The following SLC29A3 variants were observed in gnomAD, a reference collection of about 807,000 sequenced individuals.
The protein encoded by SLC29A3 is solute carrier family 29 member 3.
SLC29A3 carries 18 observed loss-of-function variants against 25.4 expected under a neutral mutation model. The observed-to-expected ratio is 0.71, with a 90% CI of 0.49 to 1.05. The LOEUF (loss-of-function observed/expected upper bound fraction) is 1.05. Among genes scored for constraint, SLC29A3 ranks in the 50% least tolerant of loss-of-function variants. SLC29A3 has a pLI of 0.00. For synonymous variants in SLC29A3, 258 were observed against 267.1 expected, an observed-to-expected ratio of 0.97 and a Z score of 0.33; for missense variants, 586 against 609.0, an observed-to-expected ratio of 0.96 and a Z score of 0.40.
At position 71,351,760 on chromosome 10, in the gene SLC29A3, T is replaced by C. The variant is rs1287765532; in HGVS notation, c.582T>C (p.Pro194=). 1.2e-6 allele frequency: 2 copies of C among 1,613,516 alleles called. No individual in the cohort carries two copies. Among genetic ancestry groups the C allele is most frequent in the East Asian group, 2.2e-5 (1 of 44,870 alleles). ...SSIYGMTGSF[P]MRNSQALISG... ...TCTACGGCATGACCGGCTCCTTTCC[T>C]ATGAGGAACTCCCAGGCACTGATAT... Residue 194 remains proline (P), a synonymous_variant, in exon 4 of 6, where the codon CCT becomes CCC. Transcript: ENST00000373189.
chr10:71,376,858 G>C (rs541756688), intron 4 of SLC29A3, among the ~76,000 whole-genome samples: 1 of 152,264 alleles, frequency 6.6e-6, no homozygotes, highest in East Asian at 1.9e-4. Context: ...CCACCTCCTG[G>C]ATTCAGGAGA....
At chr10:71,354,002 G>C (rs887687953) in intron 4 of SLC29A3, among the ~76,000 whole-genome samples, 2 of 152,176 alleles carry the variant, frequency 1.3e-5, no homozygotes. Flanking sequence ...GTCTTACTGA[G>C]TTTAACCCCA....
At chr10:71,325,150 G>T (rs1845937611) in intron 2 of SLC29A3, among the ~76,000 whole-genome samples, 1 of 152,184 alleles carries the variant, frequency 6.6e-6, no homozygotes, top group African/African-American at 2.4e-5. Context: ...GGCCCAGGAG[G>T]TGGCTCATCA....
intron 2 of SLC29A3, among the ~76,000 whole-genome samples, chr10:71,325,915 C>CTTTTT (rs5786034): frequency 8.2e-6 from 1 of 122,642 alleles, no homozygotes; most frequent in Non-Finnish European, 1.6e-5. Context: ...TATATTAGTA[C>CTTTTT]TTTTTTTTTT....
chr10:71,355,572 A>AC (rs1342651271), intron 4 of SLC29A3, among the ~76,000 whole-genome samples: 1 of 151,990 alleles, frequency 6.6e-6, no homozygotes, highest in Admixed American at 6.6e-5. Context: ...CAGTGAGGAC[A>AC]CCCCCAGAAA....
rs77339410 is a variant in SLC29A3 at position 71,344,212 on chromosome 10, T to C, written c.304T>C (p.Tyr102His). ...CTCCTCACTTGTGTGCTTGCAGAAC[T>C]ACTTTGAGAGCTACCTTGCCGTTGC... Reference protein sequence around the residue: ...EDPEGSDILNYFESYLAVAST... With the variant: ...EDPEGSDILNHFESYLAVAST... The change falls in exon 3 of 6, where the codon TAC (tyrosine) becomes CAC (histidine). Residue 102 changes from tyrosine (Y) to histidine (H), a missense_variant. Tyr to His is a moderately conservative substitution (Grantham distance 83, BLOSUM62 2). Coordinates refer to ENST00000373189, the MANE Select transcript of SLC29A3 (RefSeq NM_018344.6). 4,784 of 1,614,002 alleles carry C rather than the reference T, an allele frequency of 3.0e-3. 159 individuals carry two copies. The African/African-American group carries it at 0.056, about 19-fold the overall frequency.
At chr10:71,371,021 T>C (rs1219844927) in intron 3 of SLC29A3, among the ~76,000 whole-genome samples, 1 of 152,182 alleles carries the variant, frequency 6.6e-6, no homozygotes, top group Non-Finnish European at 1.5e-5. Flanking sequence ...GCTCAAACGA[T>C]CTACTCACCT....
chr10:71,321,433 G>A (rs570388919), intron 1 of SLC29A3, among the ~76,000 whole-genome samples: 2 of 152,306 alleles, frequency 1.3e-5, no homozygotes, highest in East Asian at 3.9e-4. Context: ...AGAGGCTACT[G>A]CAGAAGGGAC....
Position 71,356,067 on chromosome 10 carries a change from T to C in SLC29A3, c.611-14T>C. On this transcript the variant is annotated splice_polypyrimidine_tract_variant and intron_variant, in intron 4 of 5. Transcript: ENST00000373189. ...CACCCCTCACCATCTCTGCGTGTCC[T>C]CTGTTCTCTGCAGGAGGAGCCATGG... The C allele has an allele frequency of 6.2e-7, 1 of 1,613,510 alleles. No individual in the cohort carries two copies. The highest frequency in any genetic ancestry group is 8.5e-7 in the Non-Finnish European group (1 of 1,180,022).
chr10:71,328,117 C>T (rs192522895), intron 2 of SLC29A3, among the ~76,000 whole-genome samples: 1 of 152,320 alleles, frequency 6.6e-6, no homozygotes, highest in East Asian at 1.9e-4. Flanking sequence ...CCTCGGTCTG[C>T]CCAGGGACTC....
chr10:71,346,657 G>A (rs1386328912), intron 3 of SLC29A3, among the ~76,000 whole-genome samples: 5 of 152,312 alleles, frequency 3.3e-5, no homozygotes, highest in Admixed American at 2.6e-4. Flanking sequence ...GTGAGCTATG[G>A]TCACGTCACT....
At chr10:71,345,899 C>T (rs1846564674) in intron 3 of SLC29A3, among the ~76,000 whole-genome samples, 1 of 152,230 alleles carries the variant, frequency 6.6e-6, no homozygotes, top group South Asian at 2.1e-4. Context: ...TATCTGTCTA[C>T]TCGCTCAGCC....
At position 71,346,214 on chromosome 10, in the gene SLC29A3, G is replaced by A. The variant is rs140034504; in HGVS notation, c.383+1923G>A. Among the ~76,000 whole-genome samples, 69 of 152,318 alleles carry A rather than the reference G, an allele frequency of 4.5e-4. 1 individual carries two copies. Among genetic ancestry groups the A allele is most frequent in the African/African-American group, 1.5e-3 (62 of 41,576 alleles). ...TGGGCCATGGGTCAGGAGTGGCAGG[G>A]AACGTCCAGCCTCTGGGCTGTGAGA... On this transcript the variant is annotated intron_variant, in intron 3 of 5. Transcript: ENST00000373189.
chr10:71,323,021 C>T lies in SLC29A3; in HGVS notation c.267C>T (p.Ala89=). 3 of 1,613,840 alleles carry T rather than the reference C, an allele frequency of 1.9e-6. No homozygotes were observed. The highest frequency in any genetic ancestry group is 2.5e-6 in the Non-Finnish European group (3 of 1,180,052). The stretch of plus-strand genomic sequence containing the variant: ...AACTCCGCAACTCCTCCAGCCCAGC[C>T]ACCGGGGAGGACCCTGAGGGCTCAG... ...MFKLRNSSSP[A]TGEDPEGSDI... is the part of the protein sequence containing the mutation. The change falls in exon 2 of 6, where the codon GCC becomes GCT. Residue 89 remains alanine, a synonymous_variant. Coordinates refer to ENST00000373189, the MANE Select transcript of SLC29A3 (RefSeq NM_018344.6).
chr10:71,377,928 T>C (rs1847272715), intron 4 of SLC29A3, among the ~76,000 whole-genome samples: 1 of 151,476 alleles, frequency 6.6e-6, no homozygotes, highest in Non-Finnish European at 1.5e-5. Context: ...AACTAGGGAG[T>C]GTCAGAGCTG....
intron 5 of SLC29A3, among the ~76,000 whole-genome samples, chr10:71,358,374 G>A (rs1846970308): frequency 6.6e-6 from 1 of 152,158 alleles, no homozygotes. Context: ...AGTCCTCAGG[G>A]TTCTGAGGAT....
chr10:71,334,427 G>C (rs994589607), intron 2 of SLC29A3, among the ~76,000 whole-genome samples: 1 of 152,188 alleles, frequency 6.6e-6, no homozygotes, highest in Admixed American at 6.5e-5. Flanking sequence ...TCCCAGTTCT[G>C]TGATCTATTA....
intron 2 of SLC29A3, among the ~76,000 whole-genome samples, chr10:71,333,239 C>T (rs1846162561): frequency 1.3e-5 from 2 of 152,230 alleles, no homozygotes; most frequent in Non-Finnish European, 2.9e-5. Context: ...GGCCTCTTGC[C>T]GGTCCTCACT....
At chr10:71,335,191 A>G (rs2066210) in intron 2 of SLC29A3, among the ~76,000 whole-genome samples, 18,342 of 151,882 alleles carry the variant, frequency 0.12, 1,185 homozygotes, top group Non-Finnish European at 0.14. Context: ...TTCCTTCTAC[A>G]CCCAGCACTG....
Sources: allele counts gnomAD v4.1 joint callset (sites outside exome capture counted in the v4.1 genomes callset), GRCh38; gene constraint gnomAD v4.1.1; transcripts MANE v1.5; gene names NCBI Gene and HGNC (gene_info 2026-07-23, HGNC 2026-07-21).